TOX: variants seen among roughly 807,000 people sequenced by gnomAD.
TOX encodes thymocyte selection associated high mobility group box.
TOX carries 11 observed loss-of-function variants against 53.7 expected under a neutral mutation model. The ratio of observed to expected loss-of-function variants is 0.20; its 90% CI spans 0.13 to 0.34. The LOEUF (loss-of-function observed/expected upper bound fraction) is 0.34. Among genes scored for constraint, TOX ranks in the 10% least tolerant of loss-of-function variants. The pLI is 1.00. For synonymous variants in TOX, 225 were observed against 245.3 expected, an observed-to-expected ratio of 0.92 and a Z score of 0.77; for missense variants, 570 against 664.6, an observed-to-expected ratio of 0.86 and a Z score of 1.56.
At chr8:58,855,419 CCTT>C (rs1461279422) in intron 3 of TOX, among the ~76,000 whole-genome samples, 1 of 152,042 alleles carries the variant, frequency 6.6e-6, no homozygotes, top group African/African-American at 2.4e-5. Flanking sequence ...GTTGATGACA[CCTT>C]CATCTTCCTT....
intron 3 of TOX, among the ~76,000 whole-genome samples, chr8:58,897,564 G>T (rs1811672501): frequency 6.6e-6 from 1 of 152,142 alleles, no homozygotes; most frequent in African/African-American, 2.4e-5. Context: ...TTGACCTTCT[G>T]TTGTTGCTTA....
At chr8:59,017,823 G>C (rs1814043989) in intron 1 of TOX, among the ~76,000 whole-genome samples, 1 of 152,048 alleles carries the variant, frequency 6.6e-6, no homozygotes, top group African/African-American at 2.4e-5. Context: ...TGAAGCTTTA[G>C]TTCAGATCTT....
chr8:59,109,562 C>T lies in TOX; in HGVS notation c.102+9324G>A, dbSNP rs538211110. ...CACAGCAGCTGTACCTGAACTGCTGCCATGAATATAATAGCCTTTTATAGC... is the reference window on the plus strand; with the variant it reads ...CACAGCAGCTGTACCTGAACTGCTGTCATGAATATAATAGCCTTTTATAGC... On this transcript the variant is annotated intron_variant, in intron 1 of 8. Coordinates refer to ENST00000361421, the MANE Select transcript of TOX (RefSeq NM_014729.3). 2.0e-5 allele frequency among the ~76,000 whole-genome samples: 3 copies of T among 152,144 alleles called. No individual in the cohort carries two copies. The East Asian group carries it at 5.8e-4, about 29-fold the overall frequency.
chr8:58,847,906 G>T (rs1424299924), intron 4 of TOX, among the ~76,000 whole-genome samples: 1 of 152,074 alleles, frequency 6.6e-6, no homozygotes, highest in African/African-American at 2.4e-5. Flanking sequence ...CCTAGCAAAT[G>T]TGTTTTTTAA....
chr8:59,016,804 A>AT (rs1304261733), intron 1 of TOX, among the ~76,000 whole-genome samples: 6 of 152,224 alleles, frequency 3.9e-5, no homozygotes, highest in Non-Finnish European at 8.8e-5. Context: ...TGAATAAATT[A>AT]TTTTTTACCA....
At chr8:58,937,668 G>A (rs1480181919) in intron 3 of TOX, among the ~76,000 whole-genome samples, 1 of 152,222 alleles carries the variant, frequency 6.6e-6, no homozygotes, top group Middle Eastern at 3.4e-3. Flanking sequence ...ATTTTATAAA[G>A]GAAAAAGACT....
chr8:58,943,465 T>G (rs956097236), intron 2 of TOX, among the ~76,000 whole-genome samples: 1 of 152,128 alleles, frequency 6.6e-6, no homozygotes, highest in African/African-American at 2.4e-5. Flanking sequence ...CTTTTCTGAC[T>G]TGGGCTTATT....
chr8:59,068,448 G>A (rs373942594), intron 1 of TOX, among the ~76,000 whole-genome samples: 2 of 151,134 alleles, frequency 1.3e-5, no homozygotes, highest in African/African-American at 4.9e-5. Context: ...AGAGGAAAAC[G>A]AAGAGAAGAA....
Position 59,060,484 on chromosome 8 carries a change from G to A in TOX, c.102+58402C>T, listed in dbSNP as rs181792543. ...CTACTAAAAATACAAAACATTAGCC[G>A]GGCGTGCTGGCACGTGCCTGTAGTC... On this transcript the variant is annotated intron_variant, in intron 1 of 8. Coordinates refer to ENST00000361421, the MANE Select transcript of TOX (RefSeq NM_014729.3). Among the ~76,000 whole-genome samples the A allele has an allele frequency of 5.3e-5, 8 of 152,236 alleles. No homozygotes were observed. The East Asian group carries it at 9.6e-4, about 18-fold the overall frequency.
intron 1 of TOX, among the ~76,000 whole-genome samples, chr8:59,080,717 C>T (rs144624868): frequency 1.2e-3 from 182 of 152,194 alleles, no homozygotes; most frequent in African/African-American, 4.0e-3. Context: ...TCATTTAAGT[C>T]TGTGGCACCT....
At chr8:59,020,750 A>G (rs990269937) in intron 1 of TOX, among the ~76,000 whole-genome samples, 3 of 152,250 alleles carry the variant, frequency 2.0e-5, no homozygotes, top group African/African-American at 7.2e-5. Flanking sequence ...ATACTTTTAC[A>G]TTACCATACC....
At chr8:58,816,155 T>G (rs1810174301) in intron 6 of TOX, among the ~76,000 whole-genome samples, 1 of 152,216 alleles carries the variant, frequency 6.6e-6, no homozygotes, top group Admixed American at 6.5e-5. Context: ...TTTCCTTTTT[T>G]ATATTCTCAA....
intron 5 of TOX, among the ~76,000 whole-genome samples, chr8:58,835,830 A>T (rs1180705714): frequency 6.6e-6 from 1 of 152,140 alleles, no homozygotes; most frequent in Non-Finnish European, 1.5e-5. Flanking sequence ...AGAGCAGGCG[A>T]TTGATGTTTC....
chr8:59,011,477 C>T (rs1437960900), intron 1 of TOX, among the ~76,000 whole-genome samples: 1 of 152,186 alleles, frequency 6.6e-6, no homozygotes, highest in East Asian at 1.9e-4. Context: ...GAGGCCTAAG[C>T]CTCCTGAACA....
intron 1 of TOX, among the ~76,000 whole-genome samples, chr8:59,017,470 A>G (rs1814038018): frequency 6.6e-6 from 1 of 152,212 alleles, no homozygotes; most frequent in South Asian, 2.1e-4. Flanking sequence ...CTGGTTAATT[A>G]TAATGCTTCA....
chr8:58,864,777 T>G (rs547902047), intron 3 of TOX, among the ~76,000 whole-genome samples: 1 of 152,320 alleles, frequency 6.6e-6, no homozygotes, highest in Admixed American at 6.5e-5. Flanking sequence ...CAAGTCTTAC[T>G]GTGGGCCCAG....
intron 1 of TOX, among the ~76,000 whole-genome samples, chr8:59,103,814 G>A (rs1332660697): frequency 6.6e-6 from 1 of 152,184 alleles, no homozygotes; most frequent in Non-Finnish European, 1.5e-5. Flanking sequence ...TTTCAGGAAA[G>A]CAATTACTAA....
intron 1 of TOX, among the ~76,000 whole-genome samples, chr8:58,976,234 C>T (rs191768476): frequency 2.9e-4 from 44 of 152,228 alleles, no homozygotes; most frequent in Non-Finnish European, 4.6e-4. Flanking sequence ...ACTAAGTTTA[C>T]ATAATATTCT....
At chr8:59,110,231 T>C (rs1160533905) in intron 1 of TOX, among the ~76,000 whole-genome samples, 1 of 152,180 alleles carries the variant, frequency 6.6e-6, no homozygotes, top group African/African-American at 2.4e-5. Context: ...TGCAGGTTTC[T>C]ATGATTAATG....
Sources: allele counts gnomAD v4.1 joint callset (sites outside exome capture counted in the v4.1 genomes callset), GRCh38; gene constraint gnomAD v4.1.1; transcripts MANE v1.5; gene names NCBI Gene and HGNC (gene_info 2026-07-23, HGNC 2026-07-21).